DDC: variants seen among roughly 807,000 people sequenced by gnomAD.
DDC encodes dopa decarboxylase.
Under a neutral mutation model 60.0 loss-of-function variants are expected in DDC, and 43 were observed. The ratio of observed to expected loss-of-function variants is 0.72; its 90% CI spans 0.56 to 0.92. The LOEUF (loss-of-function observed/expected upper bound fraction) is 0.92, where lower values mean the gene tolerates loss of function less well. Ranked by LOEUF, DDC falls within the 40% of genes least tolerant of loss-of-function variation. The pLI, the probability that DDC is intolerant of heterozygous loss-of-function variation, is 0.00. For missense variants in DDC, 573 were observed against 620.2 expected, an observed-to-expected ratio of 0.92 and a Z score of 0.81; for synonymous variants, 232 against 234.6, an observed-to-expected ratio of 0.99 and a Z score of 0.10.
At chr7:50,483,167 TAAG>T (rs1348267958) in intron 9 of DDC, among the ~76,000 whole-genome samples, 1 of 152,162 alleles carries the variant, frequency 6.6e-6, no homozygotes, top group Non-Finnish European at 1.5e-5. Context: ...TTTATCAGAT[TAAG>T]AAGTTCTCTG....
At chr7:50,542,780 T>C (rs1287566254) in intron 2 of DDC, 1 of 152,252 alleles carries the variant, frequency 6.6e-6, no homozygotes, top group Admixed American at 6.5e-5. Flanking sequence ...GCTCAAAGCA[T>C]AAATGCCAAG....
intron 1 of DDC, among the ~76,000 whole-genome samples, chr7:50,547,769 A>G (rs2044855126): frequency 6.6e-6 from 1 of 152,240 alleles, no homozygotes; most frequent in Non-Finnish European, 1.5e-5. Context: ...AGCATGTATT[A>G]GCTGTACAAC....
At chr7:50,501,743 T>C (rs2043261972) in intron 7 of DDC, among the ~76,000 whole-genome samples, 2 of 152,148 alleles carry the variant, frequency 1.3e-5, no homozygotes, top group Admixed American at 1.3e-4. Context: ...ATTGTTAAGG[T>C]ACCACCAACA....
At chr7:50,515,049 C>A (rs1901311) in intron 6 of DDC, among the ~76,000 whole-genome samples, 108,689 of 151,986 alleles carry the variant, frequency 0.72, 39,205 homozygotes, top group East Asian at 0.8. Context: ...CATCCAAATA[C>A]AAGAAGCACA....
At chr7:50,460,050 A>G (rs1320213358) in intron 14 of DDC, among the ~76,000 whole-genome samples, 1 of 136,946 alleles carries the variant, frequency 7.3e-6, no homozygotes, top group Non-Finnish European at 1.6e-5. Flanking sequence ...CCGTCCGGGA[A>G]GGAGGTGGGG....
At chr7:50,483,903 C>CA (rs34971815) in intron 9 of DDC, among the ~76,000 whole-genome samples, 81,312 of 139,128 alleles carry the variant, frequency 0.58, 23,168 homozygotes, top group Admixed American at 0.65. Flanking sequence ...GATTCCATCT[C>CA]AAAAAAAAAA....
At chr7:50,549,966 G>A (rs1297495501) in intron 1 of DDC, among the ~76,000 whole-genome samples, 1 of 152,222 alleles carries the variant, frequency 6.6e-6, no homozygotes, top group Non-Finnish European at 1.5e-5. Flanking sequence ...TGAAACAACA[G>A]CAAAGGATTT....
intron 2 of DDC, 58 bp from the exon 3 acceptor site, chr7:50,540,086 C>A: frequency 7.2e-7 from 1 of 1,393,972 alleles, no homozygotes; most frequent in Non-Finnish European, 1.0e-6. Flanking sequence ...CTCAAGAGAG[C>A]GGGGGACCCA....
intron 6 of DDC, among the ~76,000 whole-genome samples, chr7:50,514,435 A>C (rs566875600): frequency 2.0e-5 from 3 of 152,270 alleles, no homozygotes; most frequent in East Asian, 3.9e-4. Context: ...AACACCCCCC[A>C]AAAAAATCAC....
At chr7:50,521,860 G>A (rs763340964) in intron 6 of DDC, among the ~76,000 whole-genome samples, 2 of 152,050 alleles carry the variant, frequency 1.3e-5, no homozygotes, top group South Asian at 2.1e-4. Flanking sequence ...GTTTTCCTAC[G>A]AAGATCAGGA....
chr7:50,528,011 C>T, intron 6 of DDC, 126 bp downstream of exon 6: 1 of 1,137,514 alleles, frequency 8.8e-7, no homozygotes, highest in Non-Finnish European at 1.2e-6. Context: ...ATTCTCCTGC[C>T]TCAGCTTCCC....
At chr7:50,462,226 C>CAAAAAAAAAAAA (rs11410259) in intron 14 of DDC, among the ~76,000 whole-genome samples, 882 of 75,094 alleles carry the variant, frequency 0.012, no homozygotes, top group Middle Eastern at 0.019. Flanking sequence ...GACAAAAAGA[C>CAAAAAAAAAAAA]AAAAAAAAAA....
At chr7:50,533,365 A>G (rs2044282136) in intron 4 of DDC, among the ~76,000 whole-genome samples, 1 of 149,836 alleles carries the variant, frequency 6.7e-6, no homozygotes, top group South Asian at 2.1e-4. Context: ...GCATGATCTC[A>G]GCTCACCTCA....
chr7:50,488,583 G>C (rs1480043731), intron 9 of DDC, among the ~76,000 whole-genome samples: 5 of 152,008 alleles, frequency 3.3e-5, no homozygotes, highest in African/African-American at 1.2e-4. Context: ...TCAGTAAATG[G>C]TTTGTGTAAG....
At chr7:50,500,430 CAAG>C (rs2043226650) in intron 7 of DDC, among the ~76,000 whole-genome samples, 1 of 152,186 alleles carries the variant, frequency 6.6e-6, no homozygotes, top group Non-Finnish European at 1.5e-5. Context: ...CAGACTACAG[CAAG>C]CTTCAAATTT....
At position 50,499,075 on chromosome 7, in the gene DDC, C is replaced by A. The variant is rs2043186920; in HGVS notation, c.876+73G>T. On this transcript the variant is annotated intron_variant, in intron 8 of 14. Transcript: ENST00000444124. ...TCAATAGCAAGAGACTGGACGTCAG[C>A]TCCTCATGAAGGGAGAGGTCAATAA... 1.1e-5 allele frequency: 13 copies of A among 1,166,670 alleles called. No individual in the cohort carries two copies. The Middle Eastern group carries it at 2.3e-3, about 207-fold the overall frequency. 72.3% of individuals were successfully genotyped at this position (1,166,670 alleles called of 1,614,324 possible).
At chr7:50,563,086 G>T (rs2045375350) in intron 1 of DDC, among the ~76,000 whole-genome samples, 1 of 150,034 alleles carries the variant, frequency 6.7e-6, no homozygotes, top group South Asian at 2.1e-4. Flanking sequence ...AGAACTGCTT[G>T]AACTTGAGAG....
chr7:50,497,872 G>T (rs2043160091), intron 8 of DDC, among the ~76,000 whole-genome samples: 1 of 152,132 alleles, frequency 6.6e-6, no homozygotes, highest in African/African-American at 2.4e-5. Flanking sequence ...GTAGTAAGAG[G>T]ATTATTCTTT....
At chr7:50,543,593 A>T in intron 2 of DDC, 1 of 450,336 alleles carries the variant, frequency 2.2e-6, no homozygotes, top group Non-Finnish European at 4.1e-6. Context: ...CTATGTACCG[A>T]GTGTCTCTGG....
Sources: gnomAD v4.1 joint callset for allele counts (sites outside exome capture counted in the v4.1 genomes callset) on GRCh38, gnomAD v4.1.1 for gene constraint, MANE v1.5 for transcripts, NCBI Gene and HGNC (gene_info 2026-07-23, HGNC 2026-07-21) for gene names.